SAPCD2: variants seen among roughly 807,000 people sequenced by gnomAD.
SAPCD2 encodes suppressor APC domain-containing protein 2.
Under a neutral mutation model 37.8 loss-of-function variants are expected in SAPCD2, and 34 were observed. That is an observed-to-expected ratio of 0.90 (90% CI 0.68 to 1.20). The LOEUF (loss-of-function observed/expected upper bound fraction) is 1.20. Among genes scored for constraint, SAPCD2 ranks in the 50% most tolerant of loss-of-function variants. The pLI, the probability that SAPCD2 is intolerant of heterozygous loss-of-function variation, is 0.00. For synonymous variants in SAPCD2, 275 were observed against 270.3 expected (o/e 1.02, Z -0.17); for missense variants, 572 against 584.7 (o/e 0.98, Z 0.22).
Position 137,064,492 on chromosome 9 carries a change from CAGGCCTGGGG to C in SAPCD2, c.*157_*166del, listed in dbSNP as rs1187392046. 1.3e-6 allele frequency: 1 copy of C among 747,298 alleles called. No individual in the cohort carries two copies. Among genetic ancestry groups the C allele is most frequent in the Non-Finnish European group, 2.1e-6 (1 of 467,450 alleles). The allele number at this position is 747,298 out of a possible 1,614,324, so 46.3% of individuals were successfully genotyped here. ...GCTCGGTGCGGGGACCAGCCGGGGG[CAGGCCTGGGG>C]AGCCCATCTGGCAAGGGCGGCAGGA... On this transcript the variant is annotated 3_prime_UTR_variant, in exon 6 of 6. Transcript: ENST00000409687.
intron 1 of SAPCD2, among the ~76,000 whole-genome samples, chr9:137,067,807 C>G (rs575505749): frequency 1.6e-5 from 2 of 126,618 alleles, no homozygotes; most frequent in African/African-American, 5.1e-5. Context: ...AAAAAAGTCC[C>G]GCGTGTGTGA....
intron 1 of SAPCD2, among the ~76,000 whole-genome samples, chr9:137,068,131 G>A (rs922232275): frequency 2.0e-5 from 3 of 152,224 alleles, no homozygotes; most frequent in Admixed American, 6.5e-5. Context: ...AGGTAGGCAC[G>A]GCAGAGAGCC....
intron 2 of SAPCD2, among the ~76,000 whole-genome samples, 185 bp from the exon 3 acceptor site, chr9:137,065,853 C>T (rs1215392929): frequency 2.0e-5 from 3 of 152,222 alleles, no homozygotes; most frequent in Non-Finnish European, 4.4e-5. Flanking sequence ...GCCCCATAGG[C>T]CCATTTGGAG....
At chr9:137,067,428 G>A (rs992909256) in intron 1 of SAPCD2, among the ~76,000 whole-genome samples, 3 of 150,730 alleles carry the variant, frequency 2.0e-5, no homozygotes, top group African/African-American at 4.9e-5. Flanking sequence ...CCCAGATTGC[G>A]CCACTGCACT....
In SAPCD2 at chr9:137,070,318, T is replaced by G; in HGVS notation, c.143A>C (p.His48Pro). ...ILDDRRRGCV[H>P]LREIESRWQG... is the part of the protein sequence containing the mutation. ...CCAGCGGGACTCGATCTCGCGCAGG[T>G]GCACGCAGCCGCGCCGCCGGTCGTC... Residue 48 changes from histidine to proline, a missense_variant, in exon 1 of 6, where the codon CAC becomes CCC. His to Pro is a moderately conservative substitution (Grantham distance 77). Transcript: ENST00000409687. 1 of 1,478,598 alleles carries G rather than the reference T, an allele frequency of 6.8e-7. No individual in the cohort carries two copies. Among genetic ancestry groups the G allele is most frequent in the South Asian group, 1.3e-5 (1 of 78,972 alleles). 91.6% of individuals were successfully genotyped at this position (1,478,598 alleles called of 1,614,324 possible). A position where few individuals can be genotyped will look rare whatever the true frequency, so the allele number is the denominator to read the frequency against.
intron 2 of SAPCD2, 57 bp downstream of exon 2, chr9:137,066,205 C>G: frequency 1.4e-6 from 2 of 1,391,230 alleles, no homozygotes; most frequent in Non-Finnish European, 2.0e-6. Flanking sequence ...GCTCCCATCC[C>G]GGCCTCCAGC....
chr9:137,064,696 T>A lies in SAPCD2; in HGVS notation c.1148A>T (p.Gln383Leu), dbSNP rs1271380577. 1.3e-6 allele frequency: 2 copies of A among 1,596,636 alleles called. No homozygotes were observed. Residue 383 changes from glutamine to leucine, a missense_variant, in exon 6 of 6, where the codon CAG (glutamine) becomes CTG (leucine). Coordinates refer to ENST00000409687, the MANE Select transcript of SAPCD2 (RefSeq NM_178448.4). ...GGAATCCAGAGGTCCCCCGTCCTGC[T>A]GGCTCAGGGCGCGGGCCTCAAACAG... ...KQLFEARALS[Q>L]QDGGPLDSTF...
Position 137,069,883 on chromosome 9 carries a change from A to G in SAPCD2, c.571+7T>C. The stretch of plus-strand genomic sequence containing the variant: ...ACGAGGGTGCCCGGGGGCCGTCCGG[A>G]ACTCACCTGCGTCCGCGCTGGAGCT... On this transcript the variant is annotated splice_region_variant and intron_variant, in intron 1 of 5. Transcript: ENST00000409687. The G allele has an allele frequency of 7.9e-7, 1 of 1,268,806 alleles. No homozygotes were observed. Among genetic ancestry groups the G allele is most frequent in the Non-Finnish European group, 9.9e-7 (1 of 1,005,956 alleles). 78.6% of individuals were successfully genotyped at this position (1,268,806 alleles called of 1,614,324 possible). A position where few individuals can be genotyped will look rare whatever the true frequency, so the allele number is the denominator to read the frequency against.
chr9:137,066,395 C>T lies in SAPCD2; in HGVS notation c.572-21G>A, dbSNP rs1439352922. 4 of 1,540,492 alleles carry T rather than the reference C, an allele frequency of 2.6e-6. 1 individual carries two copies. In the Admixed American group the frequency reaches 7.4e-5, roughly 29 times the overall value. On this transcript the variant is annotated intron_variant, in intron 1 of 5. Coordinates refer to ENST00000409687, the MANE Select transcript of SAPCD2 (RefSeq NM_178448.4). ...TGCACCTGTTATGGAGAGGCATGGG[C>T]CTGGCTCACCTCCAGACCTGCCTGG...
intron 3 of SAPCD2, 87 bp downstream of exon 3, chr9:137,065,435 A>G: frequency 1.4e-6 from 2 of 1,431,818 alleles, no homozygotes; most frequent in South Asian, 2.7e-5. Flanking sequence ...GTGTCCGGGA[A>G]TAGGGGCAGC....
chr9:137,065,189 G>T lies in SAPCD2; in HGVS notation c.832-4C>A. ...GGCTCCCTGCAGCCCCAAAGTCCTG[G>T]GAAGAAAGCAGAGGACAAGCGGTCA... On this transcript the variant is annotated splice_polypyrimidine_tract_variant and splice_region_variant and intron_variant, in intron 3 of 5. Coordinates refer to ENST00000409687, the MANE Select transcript of SAPCD2 (RefSeq NM_178448.4). 6.9e-7 allele frequency: 1 copy of T among 1,453,266 alleles called. No individual in the cohort carries two copies. 90.0% of individuals were successfully genotyped at this position (1,453,266 alleles called of 1,614,324 possible).
intron 1 of SAPCD2, among the ~76,000 whole-genome samples, chr9:137,067,024 G>T (rs1057276462): frequency 1.3e-5 from 2 of 152,072 alleles, no homozygotes; most frequent in African/African-American, 4.8e-5. Flanking sequence ...TTTTGTTCCT[G>T]TTGCCCAGGC....
Position 137,064,314 on chromosome 9 carries a change from G to A in SAPCD2, c.*345C>T. 1 of 358,980 alleles carries A rather than the reference G, an allele frequency of 2.8e-6. No individual in the cohort carries two copies. The highest frequency in any genetic ancestry group is 5.2e-6 in the Non-Finnish European group (1 of 192,984). The allele number at this position is 358,980 out of a possible 1,614,324, so 22.2% of individuals were successfully genotyped here. A position where few individuals can be genotyped will look rare whatever the true frequency, so the allele number is the denominator to read the frequency against. On this transcript the variant is annotated 3_prime_UTR_variant, in exon 6 of 6. Coordinates refer to ENST00000409687, the MANE Select transcript of SAPCD2 (RefSeq NM_178448.4). Reference sequence around the variant, plus strand: ...GTGGGCAGTGCCTTTCCCTGAAGATGGGACCCAGGGCGGCACCGCTGGAAA... The same window carrying A: ...GTGGGCAGTGCCTTTCCCTGAAGATAGGACCCAGGGCGGCACCGCTGGAAA...
chr9:137,066,799 CAGG>C (rs1372363987), intron 1 of SAPCD2, among the ~76,000 whole-genome samples: 1 of 152,198 alleles, frequency 6.6e-6, no homozygotes. Context: ...TGCAAGGCAG[CAGG>C]AGATGTGGGT....
chr9:137,066,940 T>A (rs1286707014), intron 1 of SAPCD2, among the ~76,000 whole-genome samples: 1 of 152,058 alleles, frequency 6.6e-6, no homozygotes, highest in Non-Finnish European at 1.5e-5. Context: ...GTGGATCGCT[T>A]GAGCTCAGGA....
chr9:137,069,550 AG>A (rs1393933527), intron 1 of SAPCD2, among the ~76,000 whole-genome samples: 3 of 152,170 alleles, frequency 2.0e-5, no homozygotes, highest in African/African-American at 7.2e-5. Context: ...AGGTGCGGAA[AG>A]GGTATTGGAG....
At chr9:137,067,463 T>G (rs563770684) in intron 1 of SAPCD2, among the ~76,000 whole-genome samples, 1 of 147,402 alleles carries the variant, frequency 6.8e-6, no homozygotes, top group Non-Finnish European at 1.5e-5. Flanking sequence ...ACAGCAAAAC[T>G]TTGTCTCAAA....
In SAPCD2 at chr9:137,070,032, G is replaced by A. The variant is rs1832601386; in HGVS notation, c.429C>T (p.Gly143=). The A allele has an allele frequency of 1.7e-6, 2 of 1,201,836 alleles. No homozygotes were observed. Among genetic ancestry groups the A allele is most frequent in the Non-Finnish European group, 2.1e-6 (2 of 968,514 alleles). 74.4% of individuals were successfully genotyped at this position (1,201,836 alleles called of 1,614,324 possible). ...TVLERKPLPL[G]VRAPLAGPSA... ...TGGGACCGGCCAGAGGGGCGCGCAC[G>A]CCCAGGGGCAGGGGCTTCCTCTCCA... The change falls in exon 1 of 6, where the codon GGC becomes GGT. Residue 143 remains glycine (G), a synonymous_variant. Coordinates refer to ENST00000409687, the MANE Select transcript of SAPCD2 (RefSeq NM_178448.4).
chr9:137,069,863 G>T, intron 1 of SAPCD2, 27 bp downstream of exon 1: 1 of 1,244,210 alleles, frequency 8.0e-7, no homozygotes, highest in Non-Finnish European at 1.0e-6. Flanking sequence ...GAGCTACGAG[G>T]GTGCCCGGGG....
Sources: allele counts gnomAD v4.1 joint callset (sites outside exome capture counted in the v4.1 genomes callset), GRCh38; gene constraint gnomAD v4.1.1; transcripts MANE v1.5; gene names NCBI Gene and HGNC (gene_info 2026-07-23, HGNC 2026-07-21).